GALNTL6: variants seen among roughly 807,000 people sequenced by gnomAD.
GALNTL6 encodes the protein polypeptide N-acetylgalactosaminyltransferase-like 6.
A neutral mutation model predicts 73.7 loss-of-function variants in GALNTL6; 46 were observed. The observed-to-expected ratio is 0.62, with a 90% confidence interval of 0.49 to 0.80. GALNTL6 has a LOEUF of 0.80. Ranked by LOEUF, GALNTL6 falls within the 30% of genes least tolerant of loss-of-function variation. The pLI is 0.00. For synonymous variants in GALNTL6, 259 were observed against 263.7 expected, an observed-to-expected ratio of 0.98 and a Z score of 0.17; for missense variants, 604 against 755.0, an observed-to-expected ratio of 0.80 and a Z score of 2.34.
intron 3 of GALNTL6, among the ~76,000 whole-genome samples, chr4:172,239,503 GT>G (rs1393344808): frequency 1.3e-5 from 2 of 151,976 alleles, no homozygotes; most frequent in African/African-American, 4.8e-5. Context: ...GATCTTGCTA[GT>G]GGTCTATCTT....
chr4:172,446,670 A>G (rs1467885550), intron 5 of GALNTL6, among the ~76,000 whole-genome samples: 2 of 152,168 alleles, frequency 1.3e-5, no homozygotes, highest in Non-Finnish European at 2.9e-5. Flanking sequence ...GGACCTCACC[A>G]TATGATGAAA....
intron 3 of GALNTL6, among the ~76,000 whole-genome samples, chr4:172,258,842 C>T (rs982081971): frequency 6.6e-6 from 1 of 151,118 alleles, no homozygotes; most frequent in Non-Finnish European, 1.5e-5. Flanking sequence ...TGAGAACATA[C>T]AACATTTGAT....
At chr4:172,788,999 A>T (rs976668120) in intron 5 of GALNTL6, among the ~76,000 whole-genome samples, 1 of 152,182 alleles carries the variant, frequency 6.6e-6, no homozygotes, top group African/African-American at 2.4e-5. Context: ...ACACCACAAC[A>T]ATCATCAACA....
At chr4:172,835,516 G>A (rs966544086) in intron 7 of GALNTL6, among the ~76,000 whole-genome samples, 3 of 152,290 alleles carry the variant, frequency 2.0e-5, no homozygotes, top group East Asian at 1.9e-4. Flanking sequence ...GTCCACACAC[G>A]GTATGCTTAA....
intron 12 of GALNTL6, among the ~76,000 whole-genome samples, chr4:173,036,422 C>T (rs1039837862): frequency 2.6e-5 from 4 of 152,148 alleles, no homozygotes; most frequent in Admixed American, 6.5e-5. Flanking sequence ...CAATCAAGTC[C>T]ACGGGCCTGC....
intron 2 of GALNTL6, among the ~76,000 whole-genome samples, chr4:172,076,082 T>C (rs1042962361): frequency 2.6e-5 from 4 of 152,208 alleles, no homozygotes; most frequent in African/African-American, 7.2e-5. Context: ...GTAAATGACA[T>C]GCACCAGGTT....
intron 2 of GALNTL6, among the ~76,000 whole-genome samples, chr4:172,131,742 A>C (rs1193090845): frequency 6.6e-6 from 1 of 151,692 alleles, no homozygotes; most frequent in Admixed American, 6.6e-5. Flanking sequence ...GTAGATGATA[A>C]ATTCCTTGGG....
chr4:172,571,038 A>G (rs1736738950), intron 5 of GALNTL6, among the ~76,000 whole-genome samples: 1 of 152,198 alleles, frequency 6.6e-6, no homozygotes, highest in Non-Finnish European at 1.5e-5. Flanking sequence ...CTGTAAATAC[A>G]GATGAAGCTT....
chr4:171,951,577 CACAT>C (rs1248296889), intron 2 of GALNTL6, among the ~76,000 whole-genome samples: 1 of 144,976 alleles, frequency 6.9e-6, no homozygotes, highest in South Asian at 2.3e-4. Flanking sequence ...ATTGTGCACT[CACAT>C]ACACACAACA....
intron 5 of GALNTL6, among the ~76,000 whole-genome samples, chr4:172,429,261 G>C (rs1186701719): frequency 7.0e-6 from 1 of 142,804 alleles, no homozygotes; most frequent in African/African-American, 2.6e-5. Context: ...TCCCAGGCTG[G>C]TGTGCAGTGG....
intron 5 of GALNTL6, among the ~76,000 whole-genome samples, chr4:172,566,745 A>AT (rs1560811241): frequency 6.6e-6 from 1 of 151,908 alleles, no homozygotes; most frequent in Non-Finnish European, 1.5e-5. Flanking sequence ...GAACTAAAAA[A>AT]ATTTTTTAAG....
intron 5 of GALNTL6, among the ~76,000 whole-genome samples, chr4:172,498,867 A>C (rs1400144684): frequency 6.6e-6 from 1 of 152,208 alleles, no homozygotes; most frequent in African/African-American, 2.4e-5. Flanking sequence ...TCACTGTGTG[A>C]TATCTATTTT....
At chr4:171,969,357 T>C (rs1739491983) in intron 2 of GALNTL6, among the ~76,000 whole-genome samples, 1 of 152,126 alleles carries the variant, frequency 6.6e-6, no homozygotes, top group African/African-American at 2.4e-5. Context: ...GCAAATGAAA[T>C]GGATTTGATT....
At chr4:172,182,301 T>C (rs1232362402) in intron 2 of GALNTL6, among the ~76,000 whole-genome samples, 1 of 152,088 alleles carries the variant, frequency 6.6e-6, no homozygotes, top group Non-Finnish European at 1.5e-5. Flanking sequence ...AGATGTGTCT[T>C]GGGAACGACT....
intron 3 of GALNTL6, among the ~76,000 whole-genome samples, chr4:172,250,850 T>C (rs185854605): frequency 6.6e-6 from 1 of 152,324 alleles, no homozygotes; most frequent in East Asian, 1.9e-4. Flanking sequence ...GAGCAAGTTT[T>C]ATTTTATGAA....
chr4:172,154,939 T>C (rs1324891176), intron 2 of GALNTL6, among the ~76,000 whole-genome samples: 1 of 152,178 alleles, frequency 6.6e-6, no homozygotes, highest in East Asian at 1.9e-4. Context: ...ATGGTGATGA[T>C]ATCAGGAGGT....
intron 8 of GALNTL6, among the ~76,000 whole-genome samples, chr4:172,911,784 A>C (rs1333810025): frequency 6.6e-6 from 1 of 152,232 alleles, no homozygotes; most frequent in African/African-American, 2.4e-5. Flanking sequence ...ATATAAGCCT[A>C]GGGGCAATTA....
intron 5 of GALNTL6, among the ~76,000 whole-genome samples, chr4:172,719,345 C>A (rs1029673961): frequency 1.3e-5 from 2 of 152,116 alleles, no homozygotes; most frequent in African/African-American, 4.8e-5. Context: ...TAGCTGGCAA[C>A]CAAGAACCAA....
chr4:173,000,083 A>G (rs887419441), intron 10 of GALNTL6, among the ~76,000 whole-genome samples: 27 of 152,202 alleles, frequency 1.8e-4, no homozygotes, highest in Admixed American at 9.2e-4. Flanking sequence ...ACTATGAAAC[A>G]TTAACATCTA....
Sources: gnomAD v4.1 joint callset for allele counts (sites outside exome capture counted in the v4.1 genomes callset) on GRCh38, gnomAD v4.1.1 for gene constraint, MANE v1.5 for transcripts, NCBI Gene and HGNC (gene_info 2026-07-23, HGNC 2026-07-21) for gene names.